Variants in NEK6 observed in about 807,000 individuals in gnomAD.
The protein encoded by NEK6 is serine/threonine-protein kinase Nek6.
A neutral mutation model predicts 43.5 loss-of-function variants in NEK6; 27 were observed. The ratio of observed to expected loss-of-function variants is 0.62; its 90% CI spans 0.46 to 0.86. NEK6 has a LOEUF of 0.86. NEK6 is among the 40% of genes least tolerant of loss of function. The pLI is 0.00. For synonymous variants in NEK6, 167 were observed against 164.1 expected, an observed-to-expected ratio of 1.02 and a Z score of -0.14; for missense variants, 318 against 414.4, an observed-to-expected ratio of 0.77 and a Z score of 2.02.
chr9:124,324,045 G>A lies in NEK6; in HGVS notation c.406-2285G>A, dbSNP rs1834204708. Among the ~76,000 whole-genome samples the A allele has an allele frequency of 6.6e-6, 1 of 151,540 alleles. No homozygotes were observed. The highest frequency in any genetic ancestry group is 6.6e-5 in the Admixed American group (1 of 15,242). The stretch of plus-strand genomic sequence containing the variant: ...CAGTCCCCACCTCTCTCCCCCCACT[G>A]TCCCTGCCTGCTCCCGTTCCCTCCA... On this transcript the variant is annotated intron_variant, in intron 5 of 9. Coordinates refer to ENST00000320246, the MANE Select transcript of NEK6 (RefSeq NM_014397.6). This position sits in a 1 kb window ranked among gnomAD's most constrained non-coding sequence, Gnocchi z 5.3.
intron 2 of NEK6, among the ~76,000 whole-genome samples, chr9:124,308,590 A>C (rs1170086972): frequency 6.6e-6 from 1 of 150,546 alleles, no homozygotes; most frequent in African/African-American, 2.5e-5. Context: ...CGGGAGGCGG[A>C]GATTGCAATG....
chr9:124,280,318 G>A (rs550333259), intron 1 of NEK6, among the ~76,000 whole-genome samples: 28 of 152,364 alleles, frequency 1.8e-4, no homozygotes, highest in South Asian at 6.2e-4. Flanking sequence ...TGGTCTAGGC[G>A]TGCAGAACAG....
At chr9:124,292,786 A>G (rs1034235367) in intron 1 of NEK6, 5 of 1,359,878 alleles carry the variant, frequency 3.7e-6, no homozygotes, top group African/African-American at 1.5e-5. Flanking sequence ...CTCCTCTGCC[A>G]ACTGCTGGGG....
Position 124,352,030 on chromosome 9 carries a change from C to A in NEK6, c.*1083C>A, listed in dbSNP as rs150524435. 3.9e-5 allele frequency: 6 copies of A among 152,784 alleles called. No individual in the cohort carries two copies. In the East Asian group the frequency reaches 1.2e-3, roughly 29 times the overall value. The allele number at this position is 152,784 out of a possible 1,614,324, so 9.5% of individuals were successfully genotyped here. A position where few individuals can be genotyped will look rare whatever the true frequency, so the allele number is the denominator to read the frequency against. On this transcript the variant is annotated 3_prime_UTR_variant, in exon 10 of 10. Transcript: ENST00000320246. ...GAAACCAGAAATGTGTTCCTTATTT[C>A]TTGTTCCCAAACAGGATTAACTGTG...
At chr9:124,317,289 G>C (rs1833866125) in intron 4 of NEK6, among the ~76,000 whole-genome samples, 1 of 152,118 alleles carries the variant, frequency 6.6e-6, no homozygotes, top group Non-Finnish European at 1.5e-5. Context: ...GTCTCGCTCT[G>C]TCACCCAGGC....
intron 1 of NEK6, among the ~76,000 whole-genome samples, chr9:124,288,500 T>G (rs1832258054): frequency 6.6e-6 from 1 of 152,140 alleles, no homozygotes; most frequent in Non-Finnish European, 1.5e-5. Flanking sequence ...GCCAGGCTGG[T>G]CTCGAACTCT....
At chr9:124,278,431 T>G (rs573109624) in intron 1 of NEK6, among the ~76,000 whole-genome samples, 7 of 152,318 alleles carry the variant, frequency 4.6e-5, no homozygotes, top group African/African-American at 1.7e-4. Context: ...GAGGGCTGTT[T>G]CCAGGTCTGT....
intron 9 of NEK6, 132 bp from the exon 10 acceptor site, chr9:124,350,705 C>A (rs1053535583): frequency 5.6e-6 from 4 of 716,258 alleles, no homozygotes; most frequent in Non-Finnish European, 9.9e-6. Context: ...CACCGTTCTT[C>A]AGCTCTAACG....
chr9:124,305,366 C>A (rs948364048), intron 2 of NEK6, among the ~76,000 whole-genome samples: 7 of 152,030 alleles, frequency 4.6e-5, no homozygotes, highest in African/African-American at 1.7e-4. Flanking sequence ...CCAACCTGGG[C>A]AACATGGTGA....
intron 7 of NEK6, among the ~76,000 whole-genome samples, chr9:124,337,629 T>G (rs1006908603): frequency 1.8e-4 from 27 of 152,254 alleles, no homozygotes; most frequent in African/African-American, 6.3e-4. Context: ...TATCCCACTG[T>G]GTGAACAGAC....
At chr9:124,285,602 A>G (rs971937015) in intron 1 of NEK6, among the ~76,000 whole-genome samples, 3 of 152,166 alleles carry the variant, frequency 2.0e-5, no homozygotes, top group Non-Finnish European at 4.4e-5. Context: ...TCCGAGCAAC[A>G]GCCGAGATTG....
At chr9:124,299,271 C>T (rs779000281) in intron 1 of NEK6, among the ~76,000 whole-genome samples, 1 of 151,928 alleles carries the variant, frequency 6.6e-6, no homozygotes, top group Non-Finnish European at 1.5e-5. Context: ...AGACAGTTCT[C>T]CACTCTTTCC....
chr9:124,337,698 A>T (rs777544507), intron 7 of NEK6, among the ~76,000 whole-genome samples: 1 of 152,074 alleles, frequency 6.6e-6, no homozygotes, highest in Non-Finnish European at 1.5e-5. Context: ...AAACAAAGCC[A>T]CTCTGCACAT....
At chr9:124,330,217 G>A (rs1015038427) in intron 7 of NEK6, among the ~76,000 whole-genome samples, 1 of 152,238 alleles carries the variant, frequency 6.6e-6, no homozygotes, top group African/African-American at 2.4e-5. Context: ...CGTAATTAGA[G>A]CGCGGAACAG....
Position 124,351,198 on chromosome 9 carries a change from C to CT in NEK6, c.*251_*252insT. The CT allele has an allele frequency of 2.5e-6, 1 of 406,964 alleles. No individual in the cohort carries two copies. The highest frequency in any genetic ancestry group is 4.5e-6 in the Non-Finnish European group (1 of 220,720). 25.2% of individuals were successfully genotyped at this position (406,964 alleles called of 1,614,324 possible). A position where few individuals can be genotyped will look rare whatever the true frequency, so the allele number is the denominator to read the frequency against. On this transcript the variant is annotated 3_prime_UTR_variant, in exon 10 of 10. Coordinates refer to ENST00000320246, the MANE Select transcript of NEK6 (RefSeq NM_014397.6). ...CTGTTGTGGACAATCTCAGCTGGGTCAATAAGGGCAGGTGGTTCAGCGAGC... is the reference window on the plus strand; with the variant it reads ...CTGTTGTGGACAATCTCAGCTGGGTCTAATAAGGGCAGGTGGTTCAGCGAGC...
At chr9:124,269,738 C>T (rs79397263) in intron 1 of NEK6, among the ~76,000 whole-genome samples, 2,747 of 152,246 alleles carry the variant, frequency 0.018, 35 homozygotes, top group Middle Eastern at 0.044. Context: ...CACTGCAGCC[C>T]GGTGCCTGGC....
chr9:124,339,692 C>A, intron 8 of NEK6, 27 bp downstream of exon 8: 2 of 1,544,572 alleles, frequency 1.3e-6, no homozygotes, highest in Non-Finnish European at 9.0e-7. Flanking sequence ...GGCTCAGCAG[C>A]ATTTGGTGGG....
At chr9:124,264,594 C>CA (rs11416685) in intron 1 of NEK6, among the ~76,000 whole-genome samples, 2,090 of 152,186 alleles carry the variant, frequency 0.014, 45 homozygotes, top group African/African-American at 0.048. Context: ...CACTTGAGGT[C>CA]AGGAGTTTGA....
At chr9:124,331,391 A>ACCCAGTAGCCAGATACCAGAG (rs1312143975) in intron 7 of NEK6, among the ~76,000 whole-genome samples, 145 of 152,130 alleles carry the variant, frequency 9.5e-4, no homozygotes, top group Non-Finnish European at 1.9e-3. Context: ...CCCTGTGGTC[A>ACCCAGTAGCCAGATACCAGAG]CCCAGTAGCC....
Sources: allele counts gnomAD v4.1 joint callset (sites outside exome capture counted in the v4.1 genomes callset), GRCh38; gene constraint gnomAD v4.1.1; non-coding constraint Gnocchi (gnomAD v3.1); transcripts MANE v1.5; gene names NCBI Gene and HGNC (gene_info 2026-07-23, HGNC 2026-07-21).